GSDMC: variants seen among roughly 807,000 people sequenced by gnomAD.
The protein encoded by GSDMC is gasdermin C, also known as gasdermin-C.
GSDMC carries 59 observed loss-of-function variants against 58.0 expected under a neutral mutation model. The ratio of observed to expected loss-of-function variants is 1.02; its 90% CI spans 0.82 to 1.26. The LOEUF is 1.26. GSDMC is among the 50% of genes most tolerant of loss of function. The probability of loss-of-function intolerance (pLI) is 0.00; values close to 1 mark genes in which losing one functional copy is unlikely to be tolerated. For synonymous variants in GSDMC, 241 were observed against 220.2 expected (o/e 1.09, Z -0.83); for missense variants, 659 against 598.5 (o/e 1.10, Z -1.06).
the GSDMC span, among the ~76,000 whole-genome samples, chr8:129,711,153 T>G: frequency 2.6e-5 from 4 of 152,238 alleles, no homozygotes; most frequent in African/African-American, 9.6e-5. Flanking sequence ...GAGTAGTTAC[T>G]CTGTGACAGG....
chr8:129,738,209 A>T, the GSDMC span, among the ~76,000 whole-genome samples: 5 of 152,200 alleles, frequency 3.3e-5, no homozygotes, highest in Non-Finnish European at 7.4e-5. Flanking sequence ...ACACTTTTAC[A>T]TTGTTGGTGG....
Position 129,777,404 on chromosome 8 carries a change from G to A in GSDMC, c.184C>T (p.Leu62Phe), listed in dbSNP as rs149214871. Residue 62 changes from leucine (L) to phenylalanine (F), a missense_variant, in exon 2 of 14, where the codon CTC becomes TTC. By Grantham distance (22) the Leu-to-Phe change is conservative (BLOSUM62 0). Transcript: ENST00000276708. ...GAACTTGGCTCCAGGATGTCATTGA[G>A]GGAGAATTCAACTGGAACATAGTCA... ...QSDYVPVEFSLNDILEPSSSV... is the reference protein window; with the variant it reads ...QSDYVPVEFSFNDILEPSSSV... 2.0e-5 allele frequency: 33 copies of A among 1,613,172 alleles called. No homozygotes were observed. The African/African-American group carries it at 3.9e-4, about 19-fold the overall frequency.
At position 129,748,552 on chromosome 8, in the gene GSDMC, C is replaced by T. The variant is rs370955474; in HGVS notation, c.1476G>A (p.Leu492=). The part of the protein sequence containing the change: ...STWDVEAKMP[L]SALYGTLSLL... ...ACGAGAGAGTCCCATAGAGGGCAGA[C>T]AGGGGCATCTTTGCTTCTACATCCC... is the stretch of plus-strand genomic sequence containing the variant. Residue 492 remains leucine (L), a synonymous_variant, in exon 14 of 14, where the codon CTG becomes CTA. Transcript: ENST00000276708. The T allele has an allele frequency of 3.7e-5, 60 of 1,613,546 alleles. No individual in the cohort carries two copies. Among genetic ancestry groups the T allele is most frequent in the Non-Finnish European group, 4.8e-5 (57 of 1,179,768 alleles).
chr8:129,756,120 C>A, intron 6 of GSDMC, among the ~76,000 whole-genome samples: 1 of 149,758 alleles, frequency 6.7e-6, no homozygotes, highest in African/African-American at 2.4e-5. Flanking sequence ...CACACTTCAT[C>A]TATAAAGATA....
chr8:129,709,046 C>G, the GSDMC span, among the ~76,000 whole-genome samples: 13 of 152,304 alleles, frequency 8.5e-5, no homozygotes, highest in South Asian at 2.7e-3. Context: ...TTACACGTCC[C>G]CCTTCATTTT....
intron 1 of GSDMC, among the ~76,000 whole-genome samples, chr8:129,781,706 C>G (rs189542903): frequency 1.3e-5 from 2 of 149,678 alleles, no homozygotes; most frequent in Middle Eastern, 3.5e-3. Flanking sequence ...GCGGAGATCG[C>G]GCCACTGCAC....
the GSDMC span, among the ~76,000 whole-genome samples, chr8:129,708,917 G>A: frequency 6.6e-6 from 1 of 152,224 alleles, no homozygotes; most frequent in African/African-American, 2.4e-5. Context: ...CCTTGGCTAG[G>A]TACCTTTATG....
the GSDMC span, among the ~76,000 whole-genome samples, chr8:129,740,370 T>A: frequency 6.6e-6 from 1 of 152,202 alleles, no homozygotes; most frequent in Non-Finnish European, 1.5e-5. Context: ...TCAGAGCAAC[T>A]TTCAGTTCAT....
chr8:129,772,122 A>G (rs1021513893), intron 3 of GSDMC, among the ~76,000 whole-genome samples: 4 of 151,942 alleles, frequency 2.6e-5, no homozygotes, highest in East Asian at 1.9e-4. Context: ...AAATTCGGGC[A>G]TGGTGGCAGG....
the GSDMC span, chr8:129,707,248 A>C: frequency 2.0e-5 from 3 of 152,194 alleles, no homozygotes; most frequent in Non-Finnish European, 4.4e-5. Context: ...GGCATCTAAA[A>C]AATATTTGAT....
chr8:129,772,446 C>T (rs1452586182), intron 3 of GSDMC, among the ~76,000 whole-genome samples: 1 of 151,818 alleles, frequency 6.6e-6, no homozygotes, highest in Admixed American at 6.6e-5. Flanking sequence ...GGAGACATTA[C>T]AAATGATGCC....
intron 3 of GSDMC, among the ~76,000 whole-genome samples, chr8:129,769,708 T>C (rs1240373376): frequency 6.6e-6 from 1 of 152,172 alleles, no homozygotes; most frequent in African/African-American, 2.4e-5. Flanking sequence ...AAGCCCCACC[T>C]CTTAATACTG....
chr8:129,758,023 C>T (rs1264577245), intron 6 of GSDMC, among the ~76,000 whole-genome samples: 1 of 151,970 alleles, frequency 6.6e-6, no homozygotes, highest in African/African-American at 2.4e-5. Context: ...TCATTATGAG[C>T]AAGTAAGATT....
At chr8:129,782,790 AC>A (rs2034451469) in intron 1 of GSDMC, among the ~76,000 whole-genome samples, 2 of 152,216 alleles carry the variant, frequency 1.3e-5, no homozygotes, top group South Asian at 4.1e-4. Context: ...TTAAAGAAGA[AC>A]TAATACCAAT....
chr8:129,764,762 A>T (rs1002813179), intron 4 of GSDMC, among the ~76,000 whole-genome samples: 5 of 152,300 alleles, frequency 3.3e-5, no homozygotes, highest in East Asian at 3.9e-4. Flanking sequence ...CACATTTTTT[A>T]AAAAATTAAA....
chr8:129,764,362 G>A (rs1413896353), intron 4 of GSDMC, among the ~76,000 whole-genome samples: 1 of 152,108 alleles, frequency 6.6e-6, no homozygotes, highest in Non-Finnish European at 1.5e-5. Flanking sequence ...AATTTTCTTA[G>A]GAAATAATTC....
chr8:129,780,772 G>A lies in GSDMC; in HGVS notation c.-4-3181C>T, dbSNP rs117203032. ...TATTATAACACTGTAATTGTGGTGT[G>A]TAAACTACTCTTACCTTAAGTAGAA... On this transcript the variant is annotated intron_variant, in intron 1 of 13. Transcript: ENST00000276708. Among the ~76,000 whole-genome samples, 87 of 152,300 alleles carry A rather than the reference G, an allele frequency of 5.7e-4. 1 individual carries two copies. In the East Asian group the frequency reaches 0.014, roughly 25 times the overall value.
At chr8:129,721,929 G>A in the GSDMC span, among the ~76,000 whole-genome samples, 1 of 152,120 alleles carries the variant, frequency 6.6e-6, no homozygotes, top group Non-Finnish European at 1.5e-5. Flanking sequence ...GTGGGGGTTA[G>A]ATTAGCCCCA....
rs899351019 is a variant in GSDMC, at chr8:129,750,036, C to A, written c.1167G>T (p.Trp389Cys). The A allele has an allele frequency of 3.1e-6, 5 of 1,611,382 alleles. No individual in the cohort carries two copies. The highest frequency in any genetic ancestry group is 1.7e-5 in the Admixed American group (1 of 59,676). ...AAAGAATGGGGTCCTTTGGGTTAAA[C>A]CATGCATGGTTTGAATCCTGTTGAA... ...KKLQQDSNHAWFNPKDPILYL... is the reference protein window; with the variant it reads ...KKLQQDSNHACFNPKDPILYL... Residue 389 changes from tryptophan to cysteine, a missense_variant, in exon 12 of 14, where the codon TGG becomes TGT. By Grantham distance (215) the Trp-to-Cys change is radical. Transcript: ENST00000276708.
Sources: allele counts gnomAD v4.1 joint callset (sites outside exome capture counted in the v4.1 genomes callset), GRCh38; gene constraint gnomAD v4.1.1; transcripts MANE v1.5; gene names NCBI Gene and HGNC (gene_info 2026-07-23, HGNC 2026-07-21).